Variants in MYO3B observed in about 807,000 individuals in gnomAD.
The protein encoded by MYO3B is myosin-IIIb.
In MYO3B, 156 loss-of-function variants were observed where a neutral mutation model predicts 174.6. That is an observed-to-expected ratio of 0.89 (90% CI 0.78 to 1.02). MYO3B has a LOEUF of 1.02. Among genes scored for constraint, MYO3B ranks in the 50% least tolerant of loss-of-function variants. MYO3B has a pLI of 0.00. For synonymous variants in MYO3B, 563 were observed against 569.1 expected (o/e 0.99, Z 0.15); for missense variants, 1,632 against 1,639.4 (o/e 1.00, Z 0.08).
intron 32 of MYO3B, among the ~76,000 whole-genome samples, chr2:170,560,762 A>G (rs1280745685): frequency 1.3e-5 from 2 of 152,156 alleles, no homozygotes; most frequent in Non-Finnish European, 2.9e-5. Flanking sequence ...CAAACTCTGC[A>G]TTTGTGCAGA....
chr2:170,592,848 A>G lies in MYO3B; in HGVS notation c.3733+48860A>G, dbSNP rs149323096. Among the ~76,000 whole-genome samples, 32 of 152,268 alleles carry G rather than the reference A, an allele frequency of 2.1e-4. No homozygotes were observed. In the East Asian group the frequency reaches 3.9e-3, roughly 18 times the overall value. ...TACATCTCTTTCTCTCTGTCTATCC[A>G]TATAGATAGATATAGATACATATAG... On this transcript the variant is annotated intron_variant, in intron 32 of 34. Transcript: ENST00000408978.
chr2:170,431,823 A>G (rs532319073), intron 22 of MYO3B, among the ~76,000 whole-genome samples: 3 of 152,306 alleles, frequency 2.0e-5, no homozygotes, highest in South Asian at 2.1e-4. Flanking sequence ...CCACAAAACT[A>G]CAATCCCTTC....
intron 8 of MYO3B, among the ~76,000 whole-genome samples, chr2:170,356,835 T>A (rs1394639590): frequency 1.3e-5 from 2 of 151,936 alleles, no homozygotes; most frequent in Non-Finnish European, 2.9e-5. Flanking sequence ...TGGAGTGCAG[T>A]GGTACAATCA....
intron 6 of MYO3B, among the ~76,000 whole-genome samples, chr2:170,223,416 G>C (rs1373234198): frequency 1.3e-5 from 2 of 152,152 alleles, no homozygotes; most frequent in African/African-American, 4.8e-5. Flanking sequence ...TAAAAACACT[G>C]TCATCTACCT....
At chr2:170,303,760 G>A (rs1157555527) in intron 7 of MYO3B, among the ~76,000 whole-genome samples, 2 of 151,994 alleles carry the variant, frequency 1.3e-5, no homozygotes, top group African/African-American at 4.8e-5. Flanking sequence ...CTCTTTTCTG[G>A]AATATGTATC....
chr2:170,501,459 CAG>C (rs1169534980), intron 27 of MYO3B, among the ~76,000 whole-genome samples: 1 of 152,202 alleles, frequency 6.6e-6, no homozygotes, highest in African/African-American at 2.4e-5. Context: ...GTCTTGAAGA[CAG>C]GGCTTTCTCC....
chr2:170,441,123 A>G (rs1016956858), intron 22 of MYO3B, among the ~76,000 whole-genome samples: 1 of 152,084 alleles, frequency 6.6e-6, no homozygotes, highest in Admixed American at 6.5e-5. Context: ...TGTATCAGCA[A>G]TTTTGCTAAA....
At chr2:170,632,954 G>T (rs1287923604) in intron 32 of MYO3B, among the ~76,000 whole-genome samples, 2 of 152,132 alleles carry the variant, frequency 1.3e-5, no homozygotes, top group East Asian at 3.8e-4. Flanking sequence ...ACCAATAACA[G>T]GCTCTGAAAT....
rs1267832948 is a variant in MYO3B, at chr2:170,383,108, A to G, written c.1104A>G (p.Ala368=). The G allele has an allele frequency of 3.1e-6, 5 of 1,613,212 alleles. No individual in the cohort carries two copies. In the South Asian group the frequency reaches 5.5e-5, roughly 18 times the overall value. Residue 368 remains alanine (A), a synonymous_variant, in exon 11 of 35, where the codon GCA becomes GCG. Coordinates refer to ENST00000408978, the MANE Select transcript of MYO3B (RefSeq NM_138995.5). ...TCCATCAGTTGCAGAAACGTTATGCAGACTTGCTAATTTACACATATGTTG... is the reference window on the plus strand; with the variant it reads ...TCCATCAGTTGCAGAAACGTTATGCGGACTTGCTAATTTACACATATGTTG... ...TIIHQLQKRY[A]DLLIYTYVGD...
At chr2:170,459,601 T>G (rs969781309) in intron 23 of MYO3B, among the ~76,000 whole-genome samples, 4 of 152,186 alleles carry the variant, frequency 2.6e-5, no homozygotes, top group African/African-American at 9.6e-5. Context: ...CAGGTGGAGC[T>G]GCCCACCAGT....
chr2:170,643,425 G>T (rs1698132621), intron 32 of MYO3B, among the ~76,000 whole-genome samples: 1 of 152,126 alleles, frequency 6.6e-6, no homozygotes, highest in African/African-American at 2.4e-5. Context: ...CTGACAGCTG[G>T]GTTATTGTCA....
intron 22 of MYO3B, among the ~76,000 whole-genome samples, chr2:170,417,900 T>A (rs1246298685): frequency 6.6e-6 from 1 of 151,498 alleles, no homozygotes; most frequent in Admixed American, 6.6e-5. Context: ...ACATATGAAT[T>A]TTTTAGGGAC....
chr2:170,258,304 A>G (rs1353931727), intron 7 of MYO3B, among the ~76,000 whole-genome samples: 1 of 152,184 alleles, frequency 6.6e-6, no homozygotes, highest in Admixed American at 6.5e-5. Flanking sequence ...TAGATACAAA[A>G]ATCCTCAACA....
chr2:170,635,525 A>G (rs6709206), intron 32 of MYO3B, among the ~76,000 whole-genome samples: 34,989 of 151,984 alleles, frequency 0.23, 5,171 homozygotes, highest in East Asian at 0.46. Context: ...ATGACAAGTT[A>G]ATGGGTGCAG....
chr2:170,594,161 G>A (rs535719692), intron 32 of MYO3B, among the ~76,000 whole-genome samples: 1 of 152,188 alleles, frequency 6.6e-6, no homozygotes, highest in South Asian at 2.1e-4. Flanking sequence ...ACTGTAATTG[G>A]TCCAGAGTAG....
rs5001108 is a variant in MYO3B, at chr2:170,551,349, A to T, written c.3733+7361A>T. Among the ~76,000 whole-genome samples the T allele has an allele frequency of 3.5e-3, 505 of 142,286 alleles. 10 individuals are homozygous for T. Among genetic ancestry groups the T allele is most frequent in the African/African-American group, 8.2e-3 (321 of 38,954 alleles). The allele number at this position is 142,286 out of a possible 152,430, so 93.3% of individuals were successfully genotyped here. A position where few individuals can be genotyped will look rare whatever the true frequency, so the allele number is the denominator to read the frequency against. On this transcript the variant is annotated intron_variant, in intron 32 of 34. Transcript: ENST00000408978. The stretch of plus-strand genomic sequence containing the variant: ...TATATATTTAATTTAATTTAATTTA[A>T]TTATTTATTTATTTATTTATTTATT...
chr2:170,434,609 A>T (rs1039224559), intron 22 of MYO3B, among the ~76,000 whole-genome samples: 3 of 152,148 alleles, frequency 2.0e-5, no homozygotes, highest in Non-Finnish European at 4.4e-5. Flanking sequence ...AGGTAATTGG[A>T]ATGAGTTAGG....
rs559228039 is a variant in MYO3B at position 170,602,203 on chromosome 2, G to A, written c.3734-49425G>A. The A allele has an allele frequency of 7.8e-5, 94 of 1,208,120 alleles. 1 individual carries two copies. The African/African-American group carries it at 1.2e-3, about 16-fold the overall frequency. 74.8% of individuals were successfully genotyped at this position (1,208,120 alleles called of 1,614,324 possible). ...TGCATATGATGACATTTTGCCTCTC[G>A]GCTTCTTAGGGTCTCCTTTGCCCAT... is the stretch of plus-strand genomic sequence containing the variant. On this transcript the variant is annotated intron_variant, in intron 32 of 34. Coordinates refer to ENST00000408978, the MANE Select transcript of MYO3B (RefSeq NM_138995.5).
intron 9 of MYO3B, among the ~76,000 whole-genome samples, chr2:170,377,661 A>G (rs796344160): frequency 5.3e-5 from 8 of 152,254 alleles, no homozygotes; most frequent in East Asian, 1.9e-4. Flanking sequence ...CTTTCCCTCT[A>G]AGCTCCAACT....
Sources: gnomAD v4.1 joint callset for allele counts (sites outside exome capture counted in the v4.1 genomes callset) on GRCh38, gnomAD v4.1.1 for gene constraint, MANE v1.5 for transcripts, NCBI Gene and HGNC (gene_info 2026-07-23, HGNC 2026-07-21) for gene names.